The following PPP3CB variants were observed in gnomAD, a reference collection of about 807,000 sequenced individuals.
PPP3CB encodes protein phosphatase 3 catalytic subunit beta.
PPP3CB carries 8 observed loss-of-function variants against 66.4 expected under a neutral mutation model. The ratio of observed to expected loss-of-function variants is 0.12; its 90% CI spans 0.07 to 0.22. The LOEUF is 0.22. Among genes scored for constraint, PPP3CB ranks in the 10% least tolerant of loss-of-function variants. PPP3CB has a pLI of 1.00. For synonymous variants in PPP3CB, 208 were observed against 221.2 expected (o/e 0.94, Z 0.53); for missense variants, 319 against 642.5 (o/e 0.50, Z 5.44).
At chr10:73,478,400 TAAAA>T in intron 3 of PPP3CB, 95 bp downstream of exon 3, 1 of 1,087,124 alleles carries the variant, frequency 9.2e-7, no homozygotes, top group African/African-American at 1.6e-5. Context: ...GCAGAGTTAT[TAAAA>T]AAACCTAACA....
chr10:73,454,743 C>G (rs1202611102), intron 9 of PPP3CB, among the ~76,000 whole-genome samples: 1 of 151,322 alleles, frequency 6.6e-6, no homozygotes, highest in Non-Finnish European at 1.5e-5. Flanking sequence ...AAAAATGAAG[C>G]CCCATAGAGA....
intron 9 of PPP3CB, among the ~76,000 whole-genome samples, chr10:73,459,069 T>G (rs571669730): frequency 2.0e-5 from 3 of 152,044 alleles, no homozygotes; most frequent in Non-Finnish European, 4.4e-5. Context: ...AAACTCTGTC[T>G]CAAAAACAAC....
intron 9 of PPP3CB, among the ~76,000 whole-genome samples, chr10:73,455,035 G>T (rs958204280): frequency 4.0e-5 from 6 of 151,782 alleles, no homozygotes; most frequent in African/African-American, 1.2e-4. Flanking sequence ...GTCATGCCCA[G>T]CTAATTTTTG....
intron 1 of PPP3CB, among the ~76,000 whole-genome samples, chr10:73,493,623 G>C (rs992958480): frequency 1.3e-5 from 2 of 152,178 alleles, no homozygotes; most frequent in African/African-American, 4.8e-5. Flanking sequence ...AAATTAGTCT[G>C]TTACACACCA....
At chr10:73,454,621 G>T (rs909571991) in intron 9 of PPP3CB, 132 bp from the exon 10 acceptor site, 2 of 475,392 alleles carry the variant, frequency 4.2e-6, no homozygotes, top group Non-Finnish European at 7.4e-6. Context: ...TACCAAGATC[G>T]ATGGAATTTA....
chr10:73,458,662 T>C (rs1227319176), intron 9 of PPP3CB, among the ~76,000 whole-genome samples: 6 of 150,612 alleles, frequency 4.0e-5, no homozygotes, highest in African/African-American at 1.2e-4. Flanking sequence ...TTTTCTATAT[T>C]AAAATATATT....
chr10:73,482,721 G>A (rs547587985), intron 1 of PPP3CB, among the ~76,000 whole-genome samples: 5 of 151,648 alleles, frequency 3.3e-5, no homozygotes, highest in South Asian at 4.2e-4. Flanking sequence ...GGGTTCAAGC[G>A]ATCCTCCTGC....
chr10:73,447,920 C>A (rs1202090284), intron 10 of PPP3CB, among the ~76,000 whole-genome samples: 3 of 150,928 alleles, frequency 2.0e-5, no homozygotes, highest in Non-Finnish European at 4.4e-5. Context: ...AAAAAACCCC[C>A]AAAAACTAAA....
At chr10:73,471,434 A>G in intron 5 of PPP3CB, 34 bp downstream of exon 5, 2 of 1,568,388 alleles carry the variant, frequency 1.3e-6, no homozygotes, top group Non-Finnish European at 1.7e-6. Context: ...TACTATAAAT[A>G]GAAATCAATC....
At chr10:73,495,263 C>T (rs940935001) in intron 1 of PPP3CB, among the ~76,000 whole-genome samples, 5 of 152,228 alleles carry the variant, frequency 3.3e-5, no homozygotes, top group African/African-American at 9.7e-5. Context: ...CAAGGTTCCC[C>T]TAATTTCTGC....
chr10:73,482,985 T>C (rs1238904744), intron 1 of PPP3CB, among the ~76,000 whole-genome samples: 2 of 152,138 alleles, frequency 1.3e-5, no homozygotes, highest in African/African-American at 2.4e-5. Context: ...GTTCAAAACA[T>C]AGAACTTCCT....
chr10:73,444,399 G>C (rs1233660490), intron 12 of PPP3CB: 1 of 587,540 alleles, frequency 1.7e-6, no homozygotes, highest in Non-Finnish European at 2.8e-6. Flanking sequence ...TCTGAAACTG[G>C]GGCTTTTAAA....
At chr10:73,478,962 T>A (rs1423838249) in intron 2 of PPP3CB, among the ~76,000 whole-genome samples, 1 of 152,258 alleles carries the variant, frequency 6.6e-6, no homozygotes, top group East Asian at 1.9e-4. Flanking sequence ...TCTAACTCAA[T>A]ACTTTCTGTT....
intron 8 of PPP3CB, among the ~76,000 whole-genome samples, chr10:73,469,117 AG>A (rs1670409930): frequency 6.6e-6 from 1 of 152,244 alleles, no homozygotes; most frequent in Non-Finnish European, 1.5e-5. Flanking sequence ...AAACCAACAA[AG>A]GACAATCAGT....
At chr10:73,461,428 A>G (rs943569668) in intron 9 of PPP3CB, among the ~76,000 whole-genome samples, 3 of 152,102 alleles carry the variant, frequency 2.0e-5, no homozygotes, top group African/African-American at 7.2e-5. Flanking sequence ...GCCTGGGCGC[A>G]ACAGAGCAAG....
chr10:73,453,806 CAAAAT>C (rs981194671), intron 10 of PPP3CB, among the ~76,000 whole-genome samples: 4 of 152,038 alleles, frequency 2.6e-5, no homozygotes, highest in East Asian at 3.9e-4. Context: ...AATTTCAAAA[CAAAAT>C]AAAATGAATT....
intron 10 of PPP3CB, chr10:73,448,588 T>C (rs2056296854): frequency 3.8e-6 from 2 of 530,730 alleles, no homozygotes; most frequent in African/African-American, 1.9e-5. Flanking sequence ...ACTCAATGAA[T>C]GTGCTAACTT....
intron 1 of PPP3CB, 41 bp downstream of exon 1, chr10:73,495,764 G>C: frequency 3.9e-6 from 6 of 1,550,832 alleles, no homozygotes; most frequent in African/African-American, 1.4e-5. Flanking sequence ...CACACAGCTA[G>C]CTCTTCAGGC....
intron 9 of PPP3CB, among the ~76,000 whole-genome samples, chr10:73,460,026 A>G (rs75985154): frequency 0.02 from 3,026 of 152,312 alleles, 92 homozygotes; most frequent in African/African-American, 0.07. Flanking sequence ...CTTAAAGAGC[A>G]TAACACGTTC....
Sources: gnomAD v4.1 joint callset for allele counts (sites outside exome capture counted in the v4.1 genomes callset) on GRCh38, gnomAD v4.1.1 for gene constraint, MANE v1.5 for transcripts, NCBI Gene and HGNC (gene_info 2026-07-23, HGNC 2026-07-21) for gene names.